Variants in CCDC30 observed in about 807,000 individuals in gnomAD.
CCDC30 encodes the protein coiled-coil domain-containing protein 30.
CCDC30 carries 70 observed loss-of-function variants against 100.2 expected under a neutral mutation model. That is an observed-to-expected ratio of 0.70 (90% CI 0.58 to 0.85). The LOEUF is 0.85. CCDC30 is among the 40% of genes least tolerant of loss of function. The pLI is 0.00. For synonymous variants in CCDC30, 233 were observed against 269.5 expected (o/e 0.86, Z 1.33); for missense variants, 652 against 771.2 (o/e 0.85, Z 1.83).
chr1:42,457,429 C>T, the CCDC30 span: 13 of 1,228,502 alleles, frequency 1.1e-5, no homozygotes, highest in Non-Finnish European at 1.4e-5. Flanking sequence ...TGGAGATGGC[C>T]TTTCTGCATC....
chr1:42,606,581 C>T (rs372119571), intron 10 of CCDC30, among the ~76,000 whole-genome samples: 2 of 152,312 alleles, frequency 1.3e-5, no homozygotes, highest in East Asian at 3.9e-4. Flanking sequence ...TGCCATGTGA[C>T]ACCAATCTTC....
At position 42,637,291 on chromosome 1, in the gene CCDC30, T is replaced by C. The variant is rs148600236; in HGVS notation, c.1332T>C (p.Tyr444=). The C allele has an allele frequency of 5.6e-5, 88 of 1,582,116 alleles. No homozygotes were observed. The African/African-American group carries it at 1.1e-3, about 20-fold the overall frequency. The change falls in exon 12 of 17, where the codon TAT becomes TAC. Residue 444 remains tyrosine, a synonymous_variant. Transcript: ENST00000668663. Reference sequence around the variant, plus strand: ...AAGTCAAGCTTCAAAAAGTCAAGTATCGTTTAACTAATGAAGTAGAACTAC... The same window carrying C: ...AAGTCAAGCTTCAAAAAGTCAAGTACCGTTTAACTAATGAAGTAGAACTAC...
intron 6 of CCDC30, among the ~76,000 whole-genome samples, chr1:42,534,231 T>C (rs1398910324): frequency 6.8e-6 from 1 of 146,910 alleles, no homozygotes; most frequent in Non-Finnish European, 1.5e-5. Context: ...AGGGGGGGGG[T>C]TCATATTTAA....
chr1:42,542,547 T>C (rs945469063), intron 6 of CCDC30, among the ~76,000 whole-genome samples: 2 of 97,590 alleles, frequency 2.0e-5, no homozygotes, highest in Non-Finnish European at 4.6e-5. Context: ...TTCTTTTTTT[T>C]TTTTTTTTTT....
At chr1:42,577,352 C>G in intron 8 of CCDC30, 123 bp downstream of exon 12, 1 of 702,030 alleles carries the variant, frequency 1.4e-6, no homozygotes, top group Non-Finnish European at 2.3e-6. Context: ...TTTTTTTTCT[C>G]TCCCATGTTT....
intron 11 of CCDC30, among the ~76,000 whole-genome samples, chr1:42,634,249 C>CAAAAAAAAAAAAAAAAAAA (rs754829759): frequency 1.7e-5 from 2 of 115,314 alleles, no homozygotes; most frequent in Admixed American, 9.1e-5. Flanking sequence ...AAGACTGTCT[C>CAAAAAAAAAAAAAAAAAAA]AAAAAAAAAA....
intron 9 of CCDC30, among the ~76,000 whole-genome samples, chr1:42,582,902 CTG>C (rs987849510): frequency 6.6e-6 from 1 of 152,312 alleles, no homozygotes; most frequent in Admixed American, 6.5e-5. Flanking sequence ...TTGCTCCTGT[CTG>C]TAGCTAATCT....
At chr1:42,503,892 C>A (rs1043316119) in intron 6 of CCDC30, among the ~76,000 whole-genome samples, 1 of 152,156 alleles carries the variant, frequency 6.6e-6, no homozygotes, top group Non-Finnish European at 1.5e-5. Context: ...GAGACCCTCA[C>A]CCAGTGGCGC....
chr1:42,478,795 GC>G (rs771300787), intron 1 of CCDC30, among the ~76,000 whole-genome samples: 5 of 151,350 alleles, frequency 3.3e-5, no homozygotes, highest in Admixed American at 2.6e-4. Flanking sequence ...ACCAAACTGC[GC>G]CCCCCCAAGA....
chr1:42,507,217 G>A (rs112943564), intron 6 of CCDC30, among the ~76,000 whole-genome samples: 30,508 of 152,064 alleles, frequency 0.2, 3,343 homozygotes, highest in South Asian at 0.42. Flanking sequence ...ATGAGCCACC[G>A]TGCCCAGCCT....
chr1:42,523,146 A>G (rs1320795572), intron 6 of CCDC30, among the ~76,000 whole-genome samples: 1 of 152,166 alleles, frequency 6.6e-6, no homozygotes, highest in Non-Finnish European at 1.5e-5. Flanking sequence ...GGTTTTTATA[A>G]TAGCCGGTGT....
At chr1:42,653,568 A>AT in intron 16 of CCDC30, 125 bp downstream of exon 20, 1 of 681,838 alleles carries the variant, frequency 1.5e-6, no homozygotes, top group South Asian at 1.9e-5. Context: ...TTCTGGGGTC[A>AT]TTTTCTCTAC....
At chr1:42,574,760 A>G (rs915022783) in intron 7 of CCDC30, among the ~76,000 whole-genome samples, 4 of 152,212 alleles carry the variant, frequency 2.6e-5, no homozygotes, top group African/African-American at 9.6e-5. Context: ...AAAATGGGCT[A>G]AAATACCAAT....
chr1:42,548,730 A>T (rs1645192006), intron 6 of CCDC30, among the ~76,000 whole-genome samples: 1 of 152,174 alleles, frequency 6.6e-6, no homozygotes, highest in Non-Finnish European at 1.5e-5. Context: ...AGCGATGCCA[A>T]GGCATTCATG....
intron 6 of CCDC30, among the ~76,000 whole-genome samples, chr1:42,546,824 A>C (rs989034712): frequency 6.6e-6 from 1 of 151,898 alleles, no homozygotes; most frequent in Non-Finnish European, 1.5e-5. Context: ...CAAGTGCACT[A>C]CTCTTCCTGG....
At chr1:42,530,401 T>C (rs1201421451) in intron 6 of CCDC30, among the ~76,000 whole-genome samples, 3 of 152,176 alleles carry the variant, frequency 2.0e-5, no homozygotes, top group Admixed American at 1.3e-4. Context: ...TATGTATACA[T>C]GGAAAAAACA....
At chr1:42,504,233 G>A (rs1449383100) in intron 6 of CCDC30, among the ~76,000 whole-genome samples, 3 of 152,208 alleles carry the variant, frequency 2.0e-5, no homozygotes, top group African/African-American at 7.2e-5. Context: ...AAACATGAGG[G>A]CATGTTCCTT....
the CCDC30 span, chr1:42,456,884 C>T: frequency 2.4e-5 from 39 of 1,612,790 alleles, no homozygotes; most frequent in Non-Finnish European, 3.1e-5. Flanking sequence ...CGCTCTGCGG[C>T]CTTCGGGCCC....
intron 6 of CCDC30, among the ~76,000 whole-genome samples, chr1:42,519,795 C>T (rs140972721): frequency 0.01 from 1,553 of 152,140 alleles, 12 homozygotes; most frequent in African/African-American, 0.021. Flanking sequence ...CCTTGTGATT[C>T]GCCCACCTCA....
Sources: allele counts gnomAD v4.1 joint callset (sites outside exome capture counted in the v4.1 genomes callset), GRCh38; gene constraint gnomAD v4.1.1; transcripts MANE v1.5; gene names NCBI Gene and HGNC (gene_info 2026-07-23, HGNC 2026-07-21).